The following AGBL1 variants were observed in gnomAD, a reference collection of about 807,000 sequenced individuals.
AGBL1 encodes the protein cytosolic carboxypeptidase 4.
Under a neutral mutation model 118.9 loss-of-function variants are expected in AGBL1, and 130 were observed. That is an observed-to-expected ratio of 1.09 (90% CI 0.95 to 1.26). AGBL1 has a LOEUF of 1.26. Ranked by LOEUF, AGBL1 falls within the 50% of genes most tolerant of loss-of-function variation. The pLI is 0.00. For missense variants in AGBL1, 1,584 were observed against 1,298.1 expected, an observed-to-expected ratio of 1.22 and a Z score of -3.38; for synonymous variants, 555 against 478.9, an observed-to-expected ratio of 1.16 and a Z score of -2.08.
intron 18 of AGBL1, among the ~76,000 whole-genome samples, chr15:86,467,169 C>A (rs2082418075): frequency 6.6e-6 from 1 of 152,162 alleles, no homozygotes; most frequent in African/African-American, 2.4e-5. Context: ...AGAGGCCCTG[C>A]CCCGAGAGGA....
intron 5 of AGBL1, among the ~76,000 whole-genome samples, chr15:86,209,241 T>C (rs2141880189): frequency 6.6e-6 from 1 of 152,308 alleles, no homozygotes. Context: ...TCCAATTATG[T>C]GGTCTATTTT....
intron 22 of AGBL1, among the ~76,000 whole-genome samples, chr15:86,820,547 G>A (rs987661830): frequency 1.3e-5 from 2 of 152,170 alleles, no homozygotes; most frequent in African/African-American, 4.8e-5. Flanking sequence ...CTCAAAGGAA[G>A]ACATTTTTGC....
rs200605372 is a variant in AGBL1, at chr15:86,632,813, A to G, written c.2995-41460A>G. On this transcript the variant is annotated intron_variant, in intron 21 of 22. Coordinates refer to ENST00000614907, the MANE Select transcript of AGBL1 (RefSeq NM_001386094.1). ...TCTGCCAGCGTAGTTTTGTTTTTGC[A>G]GTTAATTTGTAAAAAAGGTTTTGCT... Among the ~76,000 whole-genome samples, 6 of 41,588 alleles carry G rather than the reference A, an allele frequency of 1.4e-4. No homozygotes were observed. The South Asian group carries it at 5.8e-3, about 40-fold the overall frequency. The allele number at this position is 41,588 out of a possible 152,430, so 27.3% of individuals were successfully genotyped here. A position where few individuals can be genotyped will look rare whatever the true frequency, so the allele number is the denominator to read the frequency against.
intron 5 of AGBL1, among the ~76,000 whole-genome samples, chr15:86,197,732 C>A (rs1448201252): frequency 6.6e-6 from 1 of 152,076 alleles, no homozygotes; most frequent in African/African-American, 2.4e-5. Context: ...AAGAGTATGG[C>A]TGGACTATTA....
intron 22 of AGBL1, among the ~76,000 whole-genome samples, chr15:86,751,711 A>T (rs978454160): frequency 1.3e-5 from 2 of 152,132 alleles, no homozygotes; most frequent in Non-Finnish European, 2.9e-5. Context: ...ACTGTATTAC[A>T]TATCTTATTT....
At chr15:86,227,622 G>T (rs189998036) in intron 6 of AGBL1, among the ~76,000 whole-genome samples, 4 of 152,254 alleles carry the variant, frequency 2.6e-5, no homozygotes, top group Admixed American at 2.0e-4. Flanking sequence ...AATCACTGAT[G>T]TGTATGTATT....
At chr15:86,927,163 A>T (rs1567243987) in intron 23 of AGBL1, among the ~76,000 whole-genome samples, 1 of 150,652 alleles carries the variant, frequency 6.6e-6, no homozygotes, top group African/African-American at 2.4e-5. Flanking sequence ...AAATAAATAA[A>T]TAATAAAATA....
At chr15:86,266,532 C>A in intron 12 of AGBL1, 75 bp downstream of exon 12, 1 of 1,049,836 alleles carries the variant, frequency 9.5e-7, no homozygotes, top group Non-Finnish European at 1.4e-6. Context: ...GACATGTTTC[C>A]TGTTAATAAT....
At chr15:86,722,344 A>T (rs1037991328) in intron 22 of AGBL1, among the ~76,000 whole-genome samples, 1 of 152,252 alleles carries the variant, frequency 6.6e-6, no homozygotes. Flanking sequence ...GCCCTCAGAA[A>T]TAATGCCGCA....
intron 17 of AGBL1, among the ~76,000 whole-genome samples, chr15:86,314,502 C>G (rs986637417): frequency 1.3e-5 from 2 of 152,150 alleles, no homozygotes; most frequent in African/African-American, 2.4e-5. Flanking sequence ...ATTTAAGGAG[C>G]AGGAACCAAC....
chr15:86,175,501 G>A (rs2077471042), intron 5 of AGBL1, among the ~76,000 whole-genome samples: 1 of 151,574 alleles, frequency 6.6e-6, no homozygotes, highest in Non-Finnish European at 1.5e-5. Flanking sequence ...ATTTCATTTA[G>A]TTCTGCTCTG....
chr15:86,780,901 C>T lies in AGBL1; in HGVS notation c.3158+106465C>T, dbSNP rs557346257. Among the ~76,000 whole-genome samples the T allele has an allele frequency of 8.5e-4, 130 of 152,250 alleles. 1 individual carries two copies. The highest frequency in any genetic ancestry group is 3.4e-3 in the Middle Eastern group (1 of 294). On this transcript the variant is annotated intron_variant, in intron 22 of 22. Coordinates refer to ENST00000614907, the MANE Select transcript of AGBL1 (RefSeq NM_001386094.1). ...CTGTCTGATTTTGAACTCCTGACCT[C>T]AGGTGATCCACCCACCTCAGCCTCC... is the stretch of plus-strand genomic sequence containing the variant.
intron 17 of AGBL1, 72 bp downstream of exon 17, chr15:86,295,480 T>C: frequency 6.9e-7 from 1 of 1,445,326 alleles, no homozygotes; most frequent in Non-Finnish European, 9.2e-7. Flanking sequence ...AAGCATTCTG[T>C]CTCTTTTAGA....
intron 5 of AGBL1, among the ~76,000 whole-genome samples, chr15:86,217,876 T>C (rs1197294276): frequency 6.6e-6 from 1 of 152,130 alleles, no homozygotes; most frequent in Non-Finnish European, 1.5e-5. Context: ...GGATGTGGGG[T>C]AGCAATGTGA....
At chr15:86,231,452 G>A (rs538457331) in intron 6 of AGBL1, among the ~76,000 whole-genome samples, 2 of 152,212 alleles carry the variant, frequency 1.3e-5, no homozygotes, top group African/African-American at 4.8e-5. Flanking sequence ...TTTCTGTGAT[G>A]AGCCAAAAAT....
intron 3 of AGBL1, among the ~76,000 whole-genome samples, chr15:86,147,369 C>T (rs904594661): frequency 6.6e-6 from 1 of 152,190 alleles, no homozygotes. Flanking sequence ...GTGAGGGAAG[C>T]CCTGACAGAC....
At chr15:86,624,315 T>C (rs2084853121) in intron 21 of AGBL1, among the ~76,000 whole-genome samples, 1 of 152,210 alleles carries the variant, frequency 6.6e-6, no homozygotes, top group Non-Finnish European at 1.5e-5. Context: ...TCAAATGTAA[T>C]ACAACAGCAT....
chr15:86,325,697 T>A (rs892536219), intron 17 of AGBL1, among the ~76,000 whole-genome samples: 10 of 152,060 alleles, frequency 6.6e-5, no homozygotes, highest in African/African-American at 2.4e-4. Flanking sequence ...GAACAGTTAA[T>A]CTCCCTTTCT....
chr15:86,638,447 ATAT>A (rs2085137617), intron 21 of AGBL1, among the ~76,000 whole-genome samples: 2 of 152,172 alleles, frequency 1.3e-5, no homozygotes, highest in South Asian at 4.1e-4. Context: ...GGCTGCCATC[ATAT>A]TATCACTCTA....
Sources: gnomAD v4.1 joint callset for allele counts (sites outside exome capture counted in the v4.1 genomes callset) on GRCh38, gnomAD v4.1.1 for gene constraint, MANE v1.5 for transcripts, NCBI Gene and HGNC (gene_info 2026-07-23, HGNC 2026-07-21) for gene names.